SLC9D1: variants seen among roughly 807,000 people sequenced by gnomAD.
SLC9D1 encodes the protein putative LAG1-interacting protein.
At chr13:113,525,501 T>G in the SLC9D1 span, among the ~76,000 whole-genome samples, 52 of 152,380 alleles carry the variant, frequency 3.4e-4, 2 homozygotes, top group East Asian at 0.01. Context: ...GAAGTAGAAC[T>G]GTCAAAACAG....
the SLC9D1 span, among the ~76,000 whole-genome samples, chr13:113,509,177 G>A: frequency 2.8e-5 from 4 of 144,160 alleles, no homozygotes; most frequent in Non-Finnish European, 6.0e-5. Context: ...GGCGGGCTTG[G>A]CAGGTGGGTC....
the SLC9D1 span, among the ~76,000 whole-genome samples, chr13:113,492,133 G>C: frequency 1.3e-5 from 2 of 152,066 alleles, no homozygotes; most frequent in Non-Finnish European, 1.5e-5. Context: ...GGAGCATCAC[G>C]CCCGGCTAAT....
chr13:113,540,828 A>G, the SLC9D1 span, among the ~76,000 whole-genome samples: 7 of 152,282 alleles, frequency 4.6e-5, no homozygotes, highest in Non-Finnish European at 8.8e-5. Context: ...GTTTTCTTAC[A>G]GGGATTTTAC....
At chr13:113,502,583 C>T in the SLC9D1 span, among the ~76,000 whole-genome samples, 145 of 152,326 alleles carry the variant, frequency 9.5e-4, 1 homozygote, top group Non-Finnish European at 1.6e-3. Flanking sequence ...AGGCAGTGGG[C>T]AGTGGGGCTG....
the SLC9D1 span, chr13:113,520,705 A>G: frequency 6.2e-7 from 1 of 1,613,894 alleles, no homozygotes. Flanking sequence ...GCCGACTCTC[A>G]TACAGGCGGG....
At chr13:113,495,744 A>G in the SLC9D1 span, 1 of 1,614,066 alleles carries the variant, frequency 6.2e-7, no homozygotes, top group Non-Finnish European at 8.5e-7. Flanking sequence ...GGACAGCTGC[A>G]GGAAGCTCTC....
chr13:113,496,849 C>T, the SLC9D1 span, among the ~76,000 whole-genome samples: 1 of 152,192 alleles, frequency 6.6e-6, no homozygotes, highest in Non-Finnish European at 1.5e-5. Flanking sequence ...GCATGAGCTA[C>T]TGTGACCCTG....
At chr13:113,518,624 C>T in the SLC9D1 span, among the ~76,000 whole-genome samples, 1 of 152,178 alleles carries the variant, frequency 6.6e-6, no homozygotes, top group African/African-American at 2.4e-5. Flanking sequence ...AGACTCATCT[C>T]GCAGCCTCCC....
chr13:113,495,332 A>G, the SLC9D1 span, among the ~76,000 whole-genome samples: 1 of 152,232 alleles, frequency 6.6e-6, no homozygotes, highest in Non-Finnish European at 1.5e-5. Context: ...ATCAACATTC[A>G]GTATTTGATT....
the SLC9D1 span, among the ~76,000 whole-genome samples, chr13:113,533,194 G>T: frequency 6.7e-6 from 1 of 148,286 alleles, no homozygotes; most frequent in Admixed American, 6.9e-5. Context: ...GCCCTGCAGC[G>T]AGCTCTGAAT....
chr13:113,508,295 A>G, the SLC9D1 span, among the ~76,000 whole-genome samples: 1 of 152,214 alleles, frequency 6.6e-6, no homozygotes, highest in African/African-American at 2.4e-5. Flanking sequence ...ATCAGGCCTC[A>G]ACTCCATGTG....
the SLC9D1 span, among the ~76,000 whole-genome samples, chr13:113,524,983 G>A: frequency 6.6e-6 from 1 of 151,882 alleles, no homozygotes; most frequent in African/African-American, 2.4e-5. Flanking sequence ...GTGTTTTCAG[G>A]GATTCTGTTT....
At chr13:113,549,805 G>A in the SLC9D1 span, 1 of 593,244 alleles carries the variant, frequency 1.7e-6, no homozygotes. Flanking sequence ...TGTGGTGCCT[G>A]GATGTGCCTT....
chr13:113,540,523 T>C, the SLC9D1 span, among the ~76,000 whole-genome samples: 31 of 152,356 alleles, frequency 2.0e-4, no homozygotes, highest in South Asian at 5.2e-3. Context: ...CGTGTTGTGT[T>C]GGCCGTGTGA....
At chr13:113,510,646 A>G in the SLC9D1 span, among the ~76,000 whole-genome samples, 1 of 152,212 alleles carries the variant, frequency 6.6e-6, no homozygotes, top group Non-Finnish European at 1.5e-5. Flanking sequence ...GATTAAGAAA[A>G]ATGCCCGTGA....
the SLC9D1 span, among the ~76,000 whole-genome samples, chr13:113,536,989 A>G: frequency 5.0e-3 from 756 of 152,234 alleles, 2 homozygotes; most frequent in Non-Finnish European, 8.0e-3. Flanking sequence ...GGAGCATCTC[A>G]GGGCTCTGAT....
chr13:113,522,433 C>A, the SLC9D1 span, among the ~76,000 whole-genome samples: 1 of 152,192 alleles, frequency 6.6e-6, no homozygotes, highest in East Asian at 1.9e-4. Flanking sequence ...CTCCGCCTCC[C>A]AGCTTCACGC....
the SLC9D1 span, chr13:113,500,163 G>C: frequency 7.2e-7 from 1 of 1,396,876 alleles, no homozygotes; most frequent in Non-Finnish European, 9.4e-7. Flanking sequence ...GTGAGTCATG[G>C]TGGGGATGCC....
At chr13:113,544,418 G>C in the SLC9D1 span, among the ~76,000 whole-genome samples, 1 of 151,498 alleles carries the variant, frequency 6.6e-6, no homozygotes, top group Non-Finnish European at 1.5e-5. Flanking sequence ...TCCGGCCCAG[G>C]TTTCGGAGCA....
Sources: allele counts gnomAD v4.1 joint callset (sites outside exome capture counted in the v4.1 genomes callset), GRCh38; gene constraint gnomAD v4.1.1; transcripts MANE v1.5; gene names NCBI Gene and HGNC (gene_info 2026-07-23, HGNC 2026-07-21).